MSL3: variants seen among roughly 807,000 people sequenced by gnomAD.
The protein encoded by MSL3 is MSL complex subunit 3, also known as MSL3-like 1.
MSL3 carries 5 observed loss-of-function variants against 37.2 expected under a neutral mutation model. That is an observed-to-expected ratio of 0.13 (90% CI 0.07 to 0.28). The LOEUF is 0.28. Ranked by LOEUF, MSL3 falls within the 10% of genes least tolerant of loss-of-function variation. The pLI is 1.00. For missense variants in MSL3, 315 were observed against 408.5 expected (o/e 0.77, Z 1.97); for synonymous variants, 149 against 147.6 (o/e 1.01, Z -0.07).
intron 9 of MSL3, 91 bp downstream of exon 9, chrX:11,765,820 G>C: frequency 8.6e-7 from 1 of 1,159,041 alleles, no homozygotes; most frequent in South Asian, 2.0e-5. Flanking sequence ...GGTTACATGT[G>C]TGTGTGTACA....
At position 11,772,810 on chromosome X, in the gene MSL3, G is replaced by T. The variant is rs931588062; in HGVS notation, c.1466+105G>T. 2.7e-5 allele frequency: 12 copies of T among 444,485 alleles called. No homozygotes were observed. In the African/African-American group the frequency reaches 3.0e-4, roughly 11 times the overall value. The allele number at this position is 444,485 out of a possible 1,213,427, so 36.6% of individuals were successfully genotyped here. Reference sequence around the variant, plus strand: ...AGTCAGCTCTGTGATATTTTAAATAGTAGAAGTATTACCTAAGCATGGTTG... The same window carrying T: ...AGTCAGCTCTGTGATATTTTAAATATTAGAAGTATTACCTAAGCATGGTTG... On this transcript the variant is annotated intron_variant, in intron 12 of 12. Coordinates refer to ENST00000312196, the MANE Select transcript of MSL3 (RefSeq NM_078629.4).
intron 1 of MSL3, 48 bp downstream of exon 1, chrX:11,758,413 G>A: frequency 7.3e-6 from 7 of 963,380 alleles, no homozygotes; most frequent in Non-Finnish European, 9.5e-6. Context: ...GGGGACCCGG[G>A]ACCGGGGGCG....
At chrX:11,760,299 T>C in intron 2 of MSL3, 104 bp from the exon 3 acceptor site, 3 of 532,757 alleles carry the variant, frequency 5.6e-6, no homozygotes, top group Non-Finnish European at 9.0e-6. Context: ...TTTAAATCGT[T>C]TTCTAAAAAT....
At chrX:11,772,832 G>A in intron 12 of MSL3, 127 bp downstream of exon 12, 2 of 396,028 alleles carry the variant, frequency 5.1e-6, no homozygotes, top group East Asian at 4.3e-5. Flanking sequence ...CCTAAGCATG[G>A]TTGGTTCTAA....
rs138212903 is a variant in MSL3, at chrX:11,762,159, G to A, written c.495G>A (p.Arg165=). Reference sequence around the variant, plus strand: ...AAGAACCAGAGCTTCAAACAAGAAGGGAAATGGAAGAAAGAACAATAACTA... The same window carrying A: ...AAGAACCAGAGCTTCAAACAAGAAGAGAAATGGAAGAAAGAACAATAACTA... The part of the protein sequence containing the change: ...VKEEPELQTR[R]EMEERTITIE... The change falls in exon 6 of 13, where the codon AGG becomes AGA. Residue 165 remains arginine, a synonymous_variant. Coordinates refer to ENST00000312196, the MANE Select transcript of MSL3 (RefSeq NM_078629.4). 8.6e-7 allele frequency: 1 copy of A among 1,156,324 alleles called. No homozygotes were observed. The highest frequency in any genetic ancestry group is 1.8e-5 in the African/African-American group (1 of 54,293).
chrX:11,774,444 C>G (rs562352550), intron 12 of MSL3, among the ~76,000 whole-genome samples: 1 of 111,097 alleles, frequency 9.0e-6, no homozygotes, highest in Non-Finnish European at 1.9e-5. Context: ...CTCAGCCTCC[C>G]GAGTAGCTGG....
At position 11,760,383 on chromosome X, in the gene MSL3, T is replaced by C. The variant is rs771444254; in HGVS notation, c.186-20T>C. ...TCATATCAAACTAAAGTACTGAATT[T>C]TCCTTTTTTGTTCAATTAGCTGGGA... On this transcript the variant is annotated intron_variant, in intron 2 of 12. Coordinates refer to ENST00000312196, the MANE Select transcript of MSL3 (RefSeq NM_078629.4). 6.9e-6 allele frequency: 8 copies of C among 1,160,517 alleles called. No homozygotes were observed. In the South Asian group the frequency reaches 1.6e-4, roughly 23 times the overall value.
chrX:11,759,187 G>GT (rs2053103155), intron 1 of MSL3, among the ~76,000 whole-genome samples: 1 of 112,319 alleles, frequency 8.9e-6, no homozygotes, highest in African/African-American at 3.2e-5. Flanking sequence ...AGTCCCAGGT[G>GT]TGTCTTTGGC....
In MSL3 at chrX:11,763,952, C is replaced by T; in HGVS notation, c.908+14C>T. 1 of 1,183,958 alleles carries T rather than the reference C, an allele frequency of 8.4e-7. No homozygotes were observed. Among genetic ancestry groups the T allele is most frequent in the East Asian group, 3.0e-5 (1 of 33,545 alleles). On this transcript the variant is annotated intron_variant, in intron 8 of 12. Transcript: ENST00000312196. ...AAGCACTAACAGGTAAGTTATATAG[C>T]CTGCACTTTCACCCTCACATGTCAG...
At chrX:11,765,284 T>C (rs372320772) in intron 8 of MSL3, among the ~76,000 whole-genome samples, 183 bp from the exon 9 acceptor site, 1 of 112,080 alleles carries the variant, frequency 8.9e-6, no homozygotes, top group East Asian at 2.8e-4. Context: ...CTAAGACACA[T>C]ATAACAGGGG....
chrX:11,766,839 C>T (rs2053188605), intron 9 of MSL3: 1 of 754,397 alleles, frequency 1.3e-6, no homozygotes, highest in Non-Finnish European at 1.6e-6. Context: ...AAATCTAAGA[C>T]ACCCCTCATA....
intron 8 of MSL3, 58 bp downstream of exon 8, chrX:11,763,996 C>G: frequency 9.7e-7 from 1 of 1,034,904 alleles, no homozygotes; most frequent in Non-Finnish European, 1.3e-6. Flanking sequence ...TGATCAGATC[C>G]TTGTTTTGAA....
At chrX:11,773,160 A>G (rs2053244891) in intron 12 of MSL3, among the ~76,000 whole-genome samples, 1 of 111,950 alleles carries the variant, frequency 8.9e-6, no homozygotes, top group Non-Finnish European at 1.9e-5. Context: ...ATTAAGAGAA[A>G]AGACCCCTTG....
intron 10 of MSL3, among the ~76,000 whole-genome samples, chrX:11,770,583 C>T (rs926107369): frequency 2.7e-5 from 3 of 111,303 alleles, no homozygotes; most frequent in African/African-American, 9.8e-5. Context: ...CGTCTACCAC[C>T]GTGTTTTTTG....
At chrX:11,770,461 A>G (rs1159753892) in intron 10 of MSL3, among the ~76,000 whole-genome samples, 2 of 112,166 alleles carry the variant, frequency 1.8e-5, no homozygotes, top group Non-Finnish European at 3.8e-5. Flanking sequence ...TCTAGTGGTT[A>G]TAGGTACAGC....
chrX:11,758,744 C>T, intron 1 of MSL3: 2 of 1,166,959 alleles, frequency 1.7e-6, no homozygotes, highest in Non-Finnish European at 2.3e-6. Context: ...CGGGTGGGCT[C>T]CTGTGGGACG....
intron 11 of MSL3, 63 bp downstream of exon 11, chrX:11,772,318 G>C (rs1229104585): frequency 1.1e-6 from 1 of 944,072 alleles, no homozygotes; most frequent in African/African-American, 1.9e-5. Flanking sequence ...TTAGCTTTCT[G>C]TACACCTTGT....
At chrX:11,771,738 C>A (rs2053233402) in intron 10 of MSL3, among the ~76,000 whole-genome samples, 1 of 111,553 alleles carries the variant, frequency 9.0e-6, no homozygotes, top group African/African-American at 3.3e-5. Flanking sequence ...CACCACCACA[C>A]CTGGCTAATT....
chrX:11,760,828 C>G lies in MSL3; in HGVS notation c.282-9C>G. ...AAACTTATTTCAGTTGTTTGCTACT[C>G]TTTTTCAGGAGGAGCACAGGAAGAA... On this transcript the variant is annotated splice_polypyrimidine_tract_variant and intron_variant, in intron 3 of 12. Transcript: ENST00000312196. 1.7e-6 allele frequency: 2 copies of G among 1,177,954 alleles called. No homozygotes were observed. The highest frequency in any genetic ancestry group is 2.3e-6 in the Non-Finnish European group (2 of 878,293).
Sources: gnomAD v4.1 joint callset for allele counts (sites outside exome capture counted in the v4.1 genomes callset) on GRCh38, gnomAD v4.1.1 for gene constraint, MANE v1.5 for transcripts, NCBI Gene and HGNC (gene_info 2026-07-23, HGNC 2026-07-21) for gene names.